SULT1B1: variants seen among roughly 807,000 people sequenced by gnomAD.
The protein encoded by SULT1B1 is sulfotransferase family 1B member 1.
SULT1B1 carries 28 observed loss-of-function variants against 34.6 expected under a neutral mutation model. That is an observed-to-expected ratio of 0.81 (90% CI 0.60 to 1.11). The LOEUF (loss-of-function observed/expected upper bound fraction) is 1.11, where lower values mean the gene tolerates loss of function less well. SULT1B1 is among the 50% of genes least tolerant of loss of function. SULT1B1 has a pLI of 0.00. For missense variants in SULT1B1, 374 were observed against 352.2 expected (o/e 1.06, Z -0.50); for synonymous variants, 147 against 110.2 (o/e 1.33, Z -2.09).
rs910025199 is a variant in SULT1B1, at chr4:69,721,236, A to G, written c.*5852T>C. On this transcript the variant is annotated 3_prime_UTR_variant, in exon 8 of 8. Coordinates refer to ENST00000310613, the MANE Select transcript of SULT1B1 (RefSeq NM_014465.4). ...AAAGGATTACTTCACTGCTGAAAGT[A>G]ATGTCTCGATAATGTGGAAATTTTA... The G allele has an allele frequency of 6.6e-6, 1 of 152,174 alleles. No individual in the cohort carries two copies. Among genetic ancestry groups the G allele is most frequent in the East Asian group, 1.9e-4 (1 of 5,194 alleles). 9.4% of individuals were successfully genotyped at this position (152,174 alleles called of 1,614,324 possible). A position where few individuals can be genotyped will look rare whatever the true frequency, so the allele number is the denominator to read the frequency against.
chr4:69,756,531 G>A (rs2110033116), intron 1 of SULT1B1, among the ~76,000 whole-genome samples: 1 of 152,170 alleles, frequency 6.6e-6, no homozygotes, highest in East Asian at 1.9e-4. Flanking sequence ...AGAACAAAAA[G>A]GGTGATGCTC....
At chr4:69,758,569 A>G (rs1164122401) in intron 1 of SULT1B1, 2 of 679,562 alleles carry the variant, frequency 2.9e-6, no homozygotes, top group Non-Finnish European at 1.8e-6. Flanking sequence ...ATGAGTCTCT[A>G]TTCATCGGCT....
chr4:69,742,841 G>A (rs543617824), intron 4 of SULT1B1, among the ~76,000 whole-genome samples: 41 of 152,316 alleles, frequency 2.7e-4, no homozygotes, highest in Admixed American at 7.2e-4. Context: ...TGCCAGCTGC[G>A]GTGCGGTGGG....
intron 4 of SULT1B1, among the ~76,000 whole-genome samples, chr4:69,738,606 G>A (rs1242511222): frequency 1.3e-5 from 2 of 152,110 alleles, no homozygotes; most frequent in Non-Finnish European, 2.9e-5. Flanking sequence ...TACAATTGAA[G>A]ATGAGATTTG....
rs1717823586 is a variant in SULT1B1, at chr4:69,726,033, C to CACATAT, written c.*1054_*1055insATATGT. On this transcript the variant is annotated 3_prime_UTR_variant, in exon 8 of 8. Coordinates refer to ENST00000310613, the MANE Select transcript of SULT1B1 (RefSeq NM_014465.4). Reference sequence around the variant, plus strand: ...ACTTAAAGTATAATAATAAAATGTACATATATATATATATATATATATATA... The same window carrying CACATAT: ...ACTTAAAGTATAATAATAAAATGTACACATATATATATATATATATATATATATATA... 1 of 29,174 alleles carries CACATAT rather than the reference C, an allele frequency of 3.4e-5. No individual in the cohort carries two copies. Among genetic ancestry groups the CACATAT allele is most frequent in the Non-Finnish European group, 8.3e-5 (1 of 12,040 alleles). 1.8% of individuals were successfully genotyped at this position (29,174 alleles called of 1,614,324 possible).
chr4:69,742,883 A>G (rs1282045230), intron 4 of SULT1B1, among the ~76,000 whole-genome samples: 1 of 152,214 alleles, frequency 6.6e-6, no homozygotes, highest in Non-Finnish European at 1.5e-5. Context: ...CCCCAGCCTC[A>G]TGGCCTCAGC....
chr4:69,758,293 C>T, intron 1 of SULT1B1: 1 of 984,878 alleles, frequency 1.0e-6, no homozygotes, highest in Non-Finnish European at 1.2e-6. Flanking sequence ...GATGAGATTT[C>T]CACTTCTCAC....
chr4:69,751,476 G>A (rs538190902), intron 3 of SULT1B1, among the ~76,000 whole-genome samples: 36 of 152,298 alleles, frequency 2.4e-4, no homozygotes, highest in Admixed American at 1.8e-3. Flanking sequence ...ATTTGAGACG[G>A]AGTCTCACTC....
chr4:69,738,386 CTT>C (rs892558224), intron 4 of SULT1B1, among the ~76,000 whole-genome samples: 1 of 152,156 alleles, frequency 6.6e-6, no homozygotes, highest in African/African-American at 2.4e-5. Flanking sequence ...CCTCAGGAAA[CTT>C]ACAATCATGG....
At chr4:69,736,779 A>T (rs1229079245) in intron 4 of SULT1B1, among the ~76,000 whole-genome samples, 2 of 152,106 alleles carry the variant, frequency 1.3e-5, no homozygotes, top group Non-Finnish European at 2.9e-5. Flanking sequence ...ACATAAAGGT[A>T]TATCAATAGA....
At chr4:69,751,474 C>T (rs940895067) in intron 3 of SULT1B1, among the ~76,000 whole-genome samples, 10 of 152,160 alleles carry the variant, frequency 6.6e-5, no homozygotes, top group Non-Finnish European at 1.3e-4. Context: ...TTATTTGAGA[C>T]GGAGTCTCAC....
chr4:69,736,691 A>G (rs1718328514), intron 4 of SULT1B1, among the ~76,000 whole-genome samples: 1 of 152,202 alleles, frequency 6.6e-6, no homozygotes, highest in Admixed American at 6.5e-5. Context: ...TCTGCAATGT[A>G]TAATAACTGA....
intron 4 of SULT1B1, among the ~76,000 whole-genome samples, chr4:69,742,106 CT>C (rs1257616531): frequency 6.6e-6 from 1 of 152,062 alleles, no homozygotes; most frequent in Non-Finnish European, 1.5e-5. Flanking sequence ...TATCAAAAGC[CT>C]TTTTCTAATT....
intron 4 of SULT1B1, among the ~76,000 whole-genome samples, chr4:69,744,698 G>A (rs1718683974): frequency 6.6e-6 from 1 of 151,824 alleles, no homozygotes; most frequent in Non-Finnish European, 1.5e-5. Context: ...TGATTTTTTT[G>A]TCTGGATTTT....
intron 4 of SULT1B1, among the ~76,000 whole-genome samples, chr4:69,746,345 G>A (rs1185906930): frequency 1.3e-5 from 2 of 152,122 alleles, no homozygotes; most frequent in African/African-American, 2.4e-5. Context: ...AAATTCCAGT[G>A]AGTCACAGGT....
chr4:69,747,303 A>T (rs1363243589), intron 4 of SULT1B1, among the ~76,000 whole-genome samples: 1 of 152,206 alleles, frequency 6.6e-6, no homozygotes, highest in Non-Finnish European at 1.5e-5. Flanking sequence ...ACTGAAAGTG[A>T]ATCTGCACCA....
chr4:69,747,671 A>G (rs1718804649), intron 4 of SULT1B1, among the ~76,000 whole-genome samples: 1 of 152,196 alleles, frequency 6.6e-6, no homozygotes, highest in Admixed American at 6.5e-5. Flanking sequence ...AGCGTAGAGT[A>G]CTGTCTCTGC....
intron 4 of SULT1B1, among the ~76,000 whole-genome samples, chr4:69,738,459 C>A (rs1480165549): frequency 6.6e-6 from 1 of 152,106 alleles, no homozygotes; most frequent in Admixed American, 6.5e-5. Flanking sequence ...TGAGTCCAAG[C>A]AGGGGAAACA....
In SULT1B1 at chr4:69,757,206, G is replaced by A. The variant is rs1015054869; in HGVS notation, c.-44-1945C>T. ...ACAATTTATAGATTCCTTCATAATC[G>A]ATGTTCCATTTATTTCTTAAGATCT... On this transcript the variant is annotated intron_variant, in intron 1 of 7. Transcript: ENST00000310613. Among the ~76,000 whole-genome samples, 8 of 151,688 alleles carry A rather than the reference G, an allele frequency of 5.3e-5. No homozygotes were observed. The East Asian group carries it at 1.4e-3, about 26-fold the overall frequency.
Sources: allele counts gnomAD v4.1 joint callset (sites outside exome capture counted in the v4.1 genomes callset), GRCh38; gene constraint gnomAD v4.1.1; transcripts MANE v1.5; gene names NCBI Gene and HGNC (gene_info 2026-07-23, HGNC 2026-07-21).